DPYSL5: variants seen among roughly 807,000 people sequenced by gnomAD.
DPYSL5 encodes the protein dihydropyrimidinase-related protein 5.
Under a neutral mutation model 58.4 loss-of-function variants are expected in DPYSL5, and 9 were observed. That is an observed-to-expected ratio of 0.15 (90% CI 0.09 to 0.27). DPYSL5 has a LOEUF of 0.27. Among genes scored for constraint, DPYSL5 ranks in the 10% least tolerant of loss-of-function variants. The probability of loss-of-function intolerance (pLI) is 1.00; values close to 1 mark genes in which losing one functional copy is unlikely to be tolerated. For synonymous variants in DPYSL5, 293 were observed against 301.9 expected (o/e 0.97, Z 0.31); for missense variants, 499 against 770.6 (o/e 0.65, Z 4.17).
At position 26,927,146 on chromosome 2, in the gene DPYSL5, C is replaced by A; in HGVS notation, c.421-107C>A. On this transcript the variant is annotated intron_variant, in intron 3 of 12. Transcript: ENST00000288699. The surrounding 1 kb of genome is among the most constrained non-coding windows in gnomAD (Gnocchi z 4.3). ...GAGGTGTGGGGGGTCAACCGACAGA[C>A]TGAGCTGGGGCAGGCCCCACATCTC... The A allele has an allele frequency of 8.2e-7, 1 of 1,225,458 alleles. No individual in the cohort carries two copies. Among genetic ancestry groups the A allele is most frequent in the Non-Finnish European group, 1.1e-6 (1 of 888,702 alleles). 75.9% of individuals were successfully genotyped at this position (1,225,458 alleles called of 1,614,324 possible). A position where few individuals can be genotyped will look rare whatever the true frequency, so the allele number is the denominator to read the frequency against.
At chr2:26,874,812 T>G (rs770588231) in intron 1 of DPYSL5, among the ~76,000 whole-genome samples, 39 of 152,346 alleles carry the variant, frequency 2.6e-4, no homozygotes, top group Non-Finnish European at 4.0e-4. Flanking sequence ...GGTTTGCCTG[T>G]TCTAGGTCGT....
At chr2:26,903,435 A>G (rs1572697988) in intron 2 of DPYSL5, among the ~76,000 whole-genome samples, 2 of 152,320 alleles carry the variant, frequency 1.3e-5, no homozygotes, top group East Asian at 3.9e-4. Context: ...GGGTCTGGAT[A>G]GGGACCCCTT....
chr2:26,858,881 G>T (rs1243768414), intron 1 of DPYSL5, among the ~76,000 whole-genome samples: 3 of 151,592 alleles, frequency 2.0e-5, no homozygotes, highest in Non-Finnish European at 4.4e-5. Flanking sequence ...GCCTAATTTT[G>T]TACTTTAAAA....
At chr2:26,921,033 C>T (rs922484997) in intron 2 of DPYSL5, among the ~76,000 whole-genome samples, 1 of 152,160 alleles carries the variant, frequency 6.6e-6, no homozygotes, top group Admixed American at 6.5e-5. Context: ...TATTATAACA[C>T]ATTTTAAATA....
intron 1 of DPYSL5, among the ~76,000 whole-genome samples, chr2:26,857,167 C>A (rs6722906): frequency 0.41 from 62,769 of 151,672 alleles, 13,341 homozygotes; most frequent in Admixed American, 0.49. Flanking sequence ...TTAACAAGTG[C>A]TTTTTATTGT....
chr2:26,935,556 G>C (rs1455663394), intron 8 of DPYSL5, among the ~76,000 whole-genome samples: 1 of 152,036 alleles, frequency 6.6e-6, no homozygotes, highest in Non-Finnish European at 1.5e-5. Context: ...GGGCATGGTG[G>C]TGTGTGCCTG....
At position 26,865,528 on chromosome 2, in the gene DPYSL5, C is replaced by T. The variant is rs116390510; in HGVS notation, c.-5+17274C>T. Among the ~76,000 whole-genome samples, 1,411 of 152,008 alleles carry T rather than the reference C, an allele frequency of 9.3e-3. 20 individuals carry two copies. Among genetic ancestry groups the T allele is most frequent in the African/African-American group, 0.032 (1,309 of 41,472 alleles). On this transcript the variant is annotated intron_variant, in intron 1 of 12. Transcript: ENST00000288699. ...CAGGGTTTCACCATATTGACCAGGA[C>T]GGTCTTGATCTCCTGACCTCGTGAT... is the stretch of plus-strand genomic sequence containing the variant.
At chr2:26,931,152 A>AAAAAATAT (rs1209140758) in intron 5 of DPYSL5, among the ~76,000 whole-genome samples, 4 of 48,804 alleles carry the variant, frequency 8.2e-5, no homozygotes, top group African/African-American at 2.6e-4. Context: ...AAAAAAAAAA[A>AAAAAATAT]ATATATATAT....
chr2:26,920,466 T>C (rs1664675676), intron 2 of DPYSL5, among the ~76,000 whole-genome samples: 1 of 152,184 alleles, frequency 6.6e-6, no homozygotes, highest in South Asian at 2.1e-4. Context: ...ATCTCATCAC[T>C]CAAAAATAAC....
intron 1 of DPYSL5, among the ~76,000 whole-genome samples, chr2:26,867,455 GT>G (rs1342920316): frequency 4.1e-4 from 54 of 132,216 alleles, no homozygotes; most frequent in African/African-American, 1.5e-3. Flanking sequence ...TTTTTTTTTT[GT>G]TTGTTTTTTT....
Position 26,922,275 on chromosome 2 carries a change from G to T in DPYSL5, c.262-2612G>T, listed in dbSNP as rs547423934. On this transcript the variant is annotated intron_variant, in intron 2 of 12. Transcript: ENST00000288699. ...CAGAGCTTAGGTCTGCAGGCTGCAG[G>T]ATCAATTCAGGATAGGCGCGTGTGG... is the stretch of plus-strand genomic sequence containing the variant. 2.0e-5 allele frequency among the ~76,000 whole-genome samples: 3 copies of T among 152,356 alleles called. No homozygotes were observed. The South Asian group carries it at 6.2e-4, about 32-fold the overall frequency.
chr2:26,947,218 G>T lies in DPYSL5; in HGVS notation c.*223G>T. 1.9e-6 allele frequency: 1 copy of T among 516,902 alleles called. No individual in the cohort carries two copies. Among genetic ancestry groups the T allele is most frequent in the East Asian group, 3.3e-5 (1 of 30,402 alleles). The allele number at this position is 516,902 out of a possible 1,614,324, so 32.0% of individuals were successfully genotyped here. On this transcript the variant is annotated 3_prime_UTR_variant, in exon 13 of 13. Coordinates refer to ENST00000288699, the MANE Select transcript of DPYSL5 (RefSeq NM_020134.4). The surrounding 1 kb of genome is among the most constrained non-coding windows in gnomAD (Gnocchi z 4.2). Reference sequence around the variant, plus strand: ...TGTTCCTCCTGCTGTAGTCCTTTCTGCCTTGGCCTCGGCGGGCTTTTCTGG... The same window carrying T: ...TGTTCCTCCTGCTGTAGTCCTTTCTTCCTTGGCCTCGGCGGGCTTTTCTGG...
intron 1 of DPYSL5, among the ~76,000 whole-genome samples, chr2:26,851,500 G>T (rs1447301462): frequency 6.6e-6 from 1 of 152,186 alleles, no homozygotes; most frequent in Non-Finnish European, 1.5e-5. Flanking sequence ...AACTTCATTT[G>T]TGGCACTTCC....
At chr2:26,903,454 C>A (rs1414873251) in intron 2 of DPYSL5, among the ~76,000 whole-genome samples, 2 of 152,216 alleles carry the variant, frequency 1.3e-5, no homozygotes, top group East Asian at 1.9e-4. Flanking sequence ...TTTCCTGGAA[C>A]AAAACCACTT....
intron 1 of DPYSL5, among the ~76,000 whole-genome samples, chr2:26,854,809 C>T (rs545166596): frequency 1.4e-4 from 21 of 151,698 alleles, no homozygotes; most frequent in African/African-American, 4.1e-4. Flanking sequence ...TTTTCTTTTT[C>T]TTTTTCTTTT....
intron 1 of DPYSL5, among the ~76,000 whole-genome samples, chr2:26,854,037 C>T (rs1440081514): frequency 1.3e-5 from 2 of 150,740 alleles, no homozygotes; most frequent in African/African-American, 4.9e-5. Flanking sequence ...AAGACTCTCT[C>T]AAAAATTAAA....
chr2:26,900,746 C>T (rs1349749663), intron 2 of DPYSL5, among the ~76,000 whole-genome samples: 1 of 152,174 alleles, frequency 6.6e-6, no homozygotes, highest in East Asian at 1.9e-4. Flanking sequence ...CATCACCAGT[C>T]CATTCTGGGG....
intron 1 of DPYSL5, among the ~76,000 whole-genome samples, chr2:26,896,807 A>G (rs1664034062): frequency 6.6e-6 from 1 of 152,040 alleles, no homozygotes; most frequent in African/African-American, 2.4e-5. Flanking sequence ...GTTTGCAAAT[A>G]TTTTCTCCCA....
In DPYSL5 at chr2:26,933,308, C is replaced by T. The variant is rs754358873; in HGVS notation, c.765C>T (p.Asp255=). ...LVNVSSISAG[D]VIAAAKMQGK... Reference sequence around the variant, plus strand: ...ACGTGTCCAGTATCTCGGCTGGTGACGTTATCGCAGCTGCTAAGATGCAAG... The same window carrying T: ...ACGTGTCCAGTATCTCGGCTGGTGATGTTATCGCAGCTGCTAAGATGCAAG... The change falls in exon 7 of 13, where the codon GAC becomes GAT. Residue 255 remains aspartate, a synonymous_variant. Transcript: ENST00000288699. This position sits in a 1 kb window ranked among gnomAD's most constrained non-coding sequence, Gnocchi z 4.2. 2.8e-5 allele frequency: 45 copies of T among 1,613,982 alleles called. No homozygotes were observed. In the East Asian group the frequency reaches 3.8e-4, roughly 14 times the overall value.
Sources: allele counts gnomAD v4.1 joint callset (sites outside exome capture counted in the v4.1 genomes callset), GRCh38; gene constraint gnomAD v4.1.1; non-coding constraint Gnocchi (gnomAD v3.1); transcripts MANE v1.5; gene names NCBI Gene and HGNC (gene_info 2026-07-23, HGNC 2026-07-21).